COL21A1: variants seen among roughly 807,000 people sequenced by gnomAD.
The protein encoded by COL21A1 is collagen type XXI alpha 1 chain.
A neutral mutation model predicts 137.9 loss-of-function variants in COL21A1; 149 were observed. That is an observed-to-expected ratio of 1.08 (90% CI 0.95 to 1.24). The LOEUF is 1.24. Among genes scored for constraint, COL21A1 ranks in the 50% most tolerant of loss-of-function variants. The pLI, the probability that COL21A1 is intolerant of heterozygous loss-of-function variation, is 0.00. For synonymous variants in COL21A1, 456 were observed against 391.5 expected (o/e 1.16, Z -1.95); for missense variants, 1,167 against 1,158.4 (o/e 1.01, Z -0.11).
rs543866004 is a variant in COL21A1 at position 56,153,313 on chromosome 6, G to A, written c.1434+3574C>T. 9.9e-5 allele frequency among the ~76,000 whole-genome samples: 15 copies of A among 151,888 alleles called. No homozygotes were observed. The South Asian group carries it at 2.9e-3, about 29-fold the overall frequency. On this transcript the variant is annotated intron_variant, in intron 10 of 29. Coordinates refer to ENST00000244728, the MANE Select transcript of COL21A1 (RefSeq NM_030820.4). ...TTCTGTCTCATATAAAGATTTAATT[G>A]CCCACACTCTCCATCCAGGCCAAGC...
At chr6:56,124,695 G>T (rs1273552437) in intron 14 of COL21A1, among the ~76,000 whole-genome samples, 1 of 152,176 alleles carries the variant, frequency 6.6e-6, no homozygotes, top group Non-Finnish European at 1.5e-5. Context: ...AGGCTGGAGT[G>T]CAGTGGTGCA....
intron 1 of COL21A1, among the ~76,000 whole-genome samples, chr6:56,359,425 C>T (rs985877520): frequency 1.3e-5 from 2 of 152,096 alleles, no homozygotes; most frequent in Admixed American, 1.3e-4. Context: ...CAGAGGGCAC[C>T]AAAGCACCTC....
chr6:56,163,910 G>T (rs958268046), intron 9 of COL21A1, among the ~76,000 whole-genome samples: 11 of 152,060 alleles, frequency 7.2e-5, no homozygotes, highest in Admixed American at 5.9e-4. Context: ...ATGACTAAAA[G>T]AATATTCTCC....
intron 16 of COL21A1, among the ~76,000 whole-genome samples, chr6:56,106,879 C>T (rs1770964855): frequency 6.6e-6 from 1 of 152,022 alleles, no homozygotes; most frequent in Admixed American, 6.5e-5. Context: ...CTCCGCCTCC[C>T]GGGTTCACGC....
At chr6:56,198,950 G>T (rs1411126547) in intron 1 of COL21A1, among the ~76,000 whole-genome samples, 2 of 151,798 alleles carry the variant, frequency 1.3e-5, no homozygotes, top group East Asian at 1.9e-4. Flanking sequence ...AACTGAAAGG[G>T]GCTCTACAGA....
At chr6:56,245,023 T>C (rs1331633415) in intron 1 of COL21A1, among the ~76,000 whole-genome samples, 1 of 152,220 alleles carries the variant, frequency 6.6e-6, no homozygotes, top group Non-Finnish European at 1.5e-5. Flanking sequence ...TTTGCCAGTT[T>C]AGGCTTGTCC....
At chr6:56,120,815 A>G (rs1053992604) in intron 16 of COL21A1, among the ~76,000 whole-genome samples, 1 of 151,916 alleles carries the variant, frequency 6.6e-6, no homozygotes, top group Admixed American at 6.6e-5. Context: ...AAAAAAAAAA[A>G]AACTAAAAAT....
Position 56,070,747 on chromosome 6 carries a change from T to C in COL21A1, c.2017A>G (p.Lys673Glu). Residue 673 changes from lysine to glutamate, a missense_variant and splice_region_variant, in exon 21 of 30, where the codon AAG (lysine) becomes GAG (glutamate). Transcript: ENST00000244728. ...IQGMPGASGL[K>E]GEPGATGSPG... ...ATTTTCAAATGCATCAAAATTACCT[T>C]GAGCCCAGAAGCCCCAGGCATCCCT... 3.2e-6 allele frequency: 5 copies of C among 1,583,012 alleles called. No individual in the cohort carries two copies. In the South Asian group the frequency reaches 5.9e-5, roughly 19 times the overall value.
intron 1 of COL21A1, among the ~76,000 whole-genome samples, chr6:56,393,086 T>C (rs1254872265): frequency 6.7e-6 from 1 of 149,442 alleles, no homozygotes; most frequent in Non-Finnish European, 1.5e-5. Flanking sequence ...AATCACATTA[T>C]CTGACTTCAC....
intron 9 of COL21A1, 53 bp from the exon 10 acceptor site, chr6:56,157,002 G>T: frequency 7.9e-7 from 1 of 1,270,898 alleles, no homozygotes; most frequent in Non-Finnish European, 1.1e-6. Flanking sequence ...CCACATTGGT[G>T]CAGTCAGGAT....
At position 56,125,585 on chromosome 6, in the gene COL21A1, A is replaced by T; in HGVS notation, c.1632T>A (p.Pro544=). 1.2e-6 allele frequency: 2 copies of T among 1,601,992 alleles called. No homozygotes were observed. The highest frequency in any genetic ancestry group is 1.7e-6 in the Non-Finnish European group (2 of 1,171,936). The change falls in exon 14 of 30, where the codon CCT becomes CCA. Residue 544 remains proline (P), a synonymous_variant. Coordinates refer to ENST00000244728, the MANE Select transcript of COL21A1 (RefSeq NM_030820.4). ...EMGAKGDKGS[P]GFYGKKGAKG... is the part of the protein sequence containing the mutation. The stretch of plus-strand genomic sequence containing the variant: ...TACTTCCCTTTTTGCCATAAAATCC[A>T]GGTGATCCTTTGTCTCCTTTGGCAC...
At chr6:56,134,006 G>T (rs1266079194) in intron 12 of COL21A1, among the ~76,000 whole-genome samples, 1 of 152,192 alleles carries the variant, frequency 6.6e-6, no homozygotes, top group Non-Finnish European at 1.5e-5. Flanking sequence ...TGGGGTTGGA[G>T]CCCCCAGAGT....
At position 56,322,976 on chromosome 6, in the gene COL21A1, A is replaced by G. The variant is rs576719091; in HGVS notation, c.-39+70995T>C. Reference sequence around the variant, plus strand: ...AATAAGAGCTAAGTAATGTGTACACACAGACATAGAGAGTGGAATAATAGA... The same window carrying G: ...AATAAGAGCTAAGTAATGTGTACACGCAGACATAGAGAGTGGAATAATAGA... On this transcript the variant is annotated intron_variant, in intron 1 of 28. Coordinates refer to the COL21A1 transcript ENST00000370819. 8.6e-5 allele frequency among the ~76,000 whole-genome samples: 13 copies of G among 152,034 alleles called. No individual in the cohort carries two copies. In the East Asian group the frequency reaches 2.3e-3, roughly 27 times the overall value.
chr6:56,060,862 A>G, intron 26 of COL21A1, 29 bp downstream of exon 26: 1 of 1,585,118 alleles, frequency 6.3e-7, no homozygotes, highest in Non-Finnish European at 8.5e-7. Context: ...ATGAAAATGT[A>G]ATAACTGTGA....
chr6:56,134,746 C>G (rs960099557), intron 12 of COL21A1, among the ~76,000 whole-genome samples: 17 of 152,302 alleles, frequency 1.1e-4, no homozygotes, highest in African/African-American at 3.9e-4. Flanking sequence ...CTCGTGAGAT[C>G]TGATCGTTTT....
At chr6:56,098,775 G>T (rs1339943234) in intron 17 of COL21A1, among the ~76,000 whole-genome samples, 1 of 135,450 alleles carries the variant, frequency 7.4e-6, no homozygotes, top group Non-Finnish European at 1.5e-5. Context: ...GAGTGCAGTA[G>T]CGCGATCTTG....
intron 1 of COL21A1, among the ~76,000 whole-genome samples, chr6:56,236,650 T>C (rs1781921939): frequency 6.6e-6 from 1 of 152,072 alleles, no homozygotes; most frequent in African/African-American, 2.4e-5. Flanking sequence ...TGCTTACCTC[T>C]AGCATTAGAC....
chr6:56,205,034 C>T (rs1351338851), intron 1 of COL21A1, among the ~76,000 whole-genome samples: 4 of 152,114 alleles, frequency 2.6e-5, no homozygotes, highest in African/African-American at 7.2e-5. Context: ...GGGGAGAAAC[C>T]AGTGCAAAAA....
At chr6:56,332,506 T>A (rs1477262620) in intron 1 of COL21A1, among the ~76,000 whole-genome samples, 3 of 151,800 alleles carry the variant, frequency 2.0e-5, no homozygotes, top group Non-Finnish European at 2.9e-5. Context: ...TAGTAATATT[T>A]TCTTTGAATA....
Sources: allele counts gnomAD v4.1 joint callset (sites outside exome capture counted in the v4.1 genomes callset), GRCh38; gene constraint gnomAD v4.1.1; transcripts MANE v1.5; gene names NCBI Gene and HGNC (gene_info 2026-07-23, HGNC 2026-07-21).